LRTM3: variants seen among roughly 807,000 people sequenced by gnomAD.
The protein encoded by LRTM3 is leucine rich repeat transmembrane protein 3.
chr13:102,740,316 G>A, the LRTM3 span: 2 of 1,550,172 alleles, frequency 1.3e-6, no homozygotes, highest in Non-Finnish European at 8.7e-7. Context: ...GAAATCAAGG[G>A]CACAATCCAT....
At chr13:102,746,136 C>T in the LRTM3 span, 3 of 1,551,082 alleles carry the variant, frequency 1.9e-6, no homozygotes, top group Non-Finnish European at 2.6e-6. Flanking sequence ...GTAGTTTGTT[C>T]AAAACCTGTT....
chr13:102,732,796 T>A, the LRTM3 span: 1 of 1,551,410 alleles, frequency 6.4e-7, no homozygotes, highest in Non-Finnish European at 8.7e-7. Flanking sequence ...CTATTTTTAA[T>A]TTCCCTTCTT....
At chr13:102,751,642 A>G in the LRTM3 span, among the ~76,000 whole-genome samples, 1 of 152,198 alleles carries the variant, frequency 6.6e-6, no homozygotes, top group African/African-American at 2.4e-5. Context: ...TAATTCTAGT[A>G]GCTATTTGTT....
the LRTM3 span, chr13:102,744,110 T>G: frequency 1.9e-6 from 3 of 1,550,734 alleles, no homozygotes; most frequent in South Asian, 3.6e-5. Context: ...TGTGTACCAT[T>G]GCTTCCCTTT....
At chr13:102,739,812 A>G in the LRTM3 span, 2 of 1,549,382 alleles carry the variant, frequency 1.3e-6, no homozygotes, top group South Asian at 2.4e-5. Context: ...GAAAGAATAG[A>G]CTCACATATT....
chr13:102,749,903 A>C, the LRTM3 span: 5 of 1,551,348 alleles, frequency 3.2e-6, no homozygotes, highest in Non-Finnish European at 3.5e-6. Context: ...TCTGCTCCCT[A>C]ACTTAGTTTT....
At chr13:102,738,613 ACT>A in the LRTM3 span, 11 of 1,549,776 alleles carry the variant, frequency 7.1e-6, no homozygotes, top group Middle Eastern at 5.0e-4. Flanking sequence ...CCTTTTTTAC[ACT>A]GTTTGAGATA....
At chr13:102,750,239 C>T in the LRTM3 span, 15 of 1,551,386 alleles carry the variant, frequency 9.7e-6, no homozygotes, top group South Asian at 2.4e-5. Flanking sequence ...TGGCACATGA[C>T]TTTCACTAGA....
the LRTM3 span, chr13:102,732,228 T>C: frequency 6.4e-7 from 1 of 1,551,412 alleles, no homozygotes. Context: ...TTAGGGTCAG[T>C]GTGAGGTGAA....
At chr13:102,738,023 T>C in the LRTM3 span, 7 of 1,550,480 alleles carry the variant, frequency 4.5e-6, no homozygotes, top group African/African-American at 6.9e-5. Context: ...TCTATCAACC[T>C]TTTCTTGTCC....
chr13:102,751,250 C>A, the LRTM3 span, among the ~76,000 whole-genome samples: 1 of 151,686 alleles, frequency 6.6e-6, no homozygotes, highest in Non-Finnish European at 1.5e-5. Flanking sequence ...CAGCAGACAG[C>A]CTTTTGACTT....
the LRTM3 span, chr13:102,733,128 G>A: frequency 6.4e-7 from 1 of 1,551,306 alleles, no homozygotes; most frequent in South Asian, 1.2e-5. Context: ...CCACTTTGAA[G>A]GGGAAACTTA....
chr13:102,758,205 T>C, the LRTM3 span, among the ~76,000 whole-genome samples: 5 of 152,184 alleles, frequency 3.3e-5, no homozygotes, highest in African/African-American at 1.2e-4. Context: ...ACTACCTGCC[T>C]CGAAGGATAA....
At chr13:102,740,976 G>A in the LRTM3 span, 2 of 1,550,062 alleles carry the variant, frequency 1.3e-6, no homozygotes, top group Non-Finnish European at 1.7e-6. Context: ...GAACATGGAG[G>A]TTGATCCACC....
At chr13:102,729,791 C>T in the LRTM3 span, 3 of 1,551,830 alleles carry the variant, frequency 1.9e-6, no homozygotes, top group Non-Finnish European at 2.6e-6. Context: ...GTCACGTTTC[C>T]CTTTGCTGTG....
the LRTM3 span, chr13:102,733,390 T>A: frequency 6.4e-7 from 1 of 1,551,360 alleles, no homozygotes; most frequent in Non-Finnish European, 8.7e-7. Flanking sequence ...CTGGAGATAC[T>A]TTCGATGAAG....
At chr13:102,756,680 AAAAAAAAAAAAAAAAC>A in the LRTM3 span, among the ~76,000 whole-genome samples, 35 of 98,196 alleles carry the variant, frequency 3.6e-4, no homozygotes, top group South Asian at 0.013. Context: ...GTCTAAAAAA[AAAAAAAAAAAAAAAAC>A]AAAAAAACAA....
the LRTM3 span, chr13:102,729,619 C>T: frequency 6.0e-5 from 93 of 1,547,498 alleles, no homozygotes; most frequent in African/African-American, 1.2e-3. Flanking sequence ...TGGGTATAAC[C>T]TCCAGTGAGT....
chr13:102,740,743 T>C, the LRTM3 span: 2 of 1,548,768 alleles, frequency 1.3e-6, no homozygotes, highest in Non-Finnish European at 1.7e-6. Context: ...TGTATGTATA[T>C]TTTTCTTCCT....
Sources: gnomAD v4.1 joint callset for allele counts (sites outside exome capture counted in the v4.1 genomes callset) on GRCh38, gnomAD v4.1.1 for gene constraint, MANE v1.5 for transcripts, NCBI Gene and HGNC (gene_info 2026-07-23, HGNC 2026-07-21) for gene names.